Variants in LMO4 observed in about 807,000 individuals in gnomAD.
LMO4 encodes LIM domain transcription factor LMO4.
A neutral mutation model predicts 18.5 loss-of-function variants in LMO4; 3 were observed. That is an observed-to-expected ratio of 0.16 (90% confidence interval 0.07 to 0.42). The LOEUF (loss-of-function observed/expected upper bound fraction) is 0.42. Among genes scored for constraint, LMO4 ranks in the 10% least tolerant of loss-of-function variants. The pLI is 0.99. For synonymous variants in LMO4, 100 were observed against 88.1 expected, an observed-to-expected ratio of 1.14 and a Z score of -0.76; for missense variants, 121 against 219.9, an observed-to-expected ratio of 0.55 and a Z score of 2.84.
chr1:87,331,783 A>T (rs1650156787), intron 1 of LMO4: 1 of 551,976 alleles, frequency 1.8e-6, no homozygotes, highest in African/African-American at 1.9e-5. Flanking sequence ...AGTTGAGAGG[A>T]GCTCGTGGCC....
At chr1:87,333,931 C>G (rs1212839789) in intron 2 of LMO4, among the ~76,000 whole-genome samples, 2 of 150,676 alleles carry the variant, frequency 1.3e-5, no homozygotes, top group African/African-American at 4.9e-5. Flanking sequence ...CATCTCTTCT[C>G]CGAGTGCCTT....
Position 87,345,119 on chromosome 1 carries a change from T to G in LMO4, c.*323T>G, listed in dbSNP as rs1650591674. On this transcript the variant is annotated 3_prime_UTR_variant, in exon 5 of 5. Coordinates refer to ENST00000370544, the MANE Select transcript of LMO4 (RefSeq NM_006769.4). ...CTAATGAAGCTAATTAAAAGAAGCATTCAAATCTGCTTTCTACCCTCATTA... is the reference window on the plus strand; with the variant it reads ...CTAATGAAGCTAATTAAAAGAAGCAGTCAAATCTGCTTTCTACCCTCATTA... The G allele has an allele frequency of 6.2e-6, 2 of 321,202 alleles. No individual in the cohort carries two copies. Among genetic ancestry groups the G allele is most frequent in the Non-Finnish European group, 1.1e-5 (2 of 176,046 alleles). 19.9% of individuals were successfully genotyped at this position (321,202 alleles called of 1,614,324 possible). A position where few individuals can be genotyped will look rare whatever the true frequency, so the allele number is the denominator to read the frequency against.
rs890707557 is a variant in LMO4, at chr1:87,347,869, A to C, written c.*3073A>C. 1.1e-4 allele frequency: 16 copies of C among 152,194 alleles called. No homozygotes were observed. Among genetic ancestry groups the C allele is most frequent in the African/African-American group, 3.6e-4 (15 of 41,456 alleles). 9.4% of individuals were successfully genotyped at this position (152,194 alleles called of 1,614,324 possible). A position where few individuals can be genotyped will look rare whatever the true frequency, so the allele number is the denominator to read the frequency against. On this transcript the variant is annotated 3_prime_UTR_variant, in exon 5 of 5. Coordinates refer to ENST00000370544, the MANE Select transcript of LMO4 (RefSeq NM_006769.4). ...TCGTTTGCCACTAGAAACTATTTTC[A>C]GCTCTTCATGATTTATTAGGAAATA...
intron 2 of LMO4, among the ~76,000 whole-genome samples, chr1:87,335,526 C>G (rs559421751): frequency 6.6e-6 from 1 of 151,996 alleles, no homozygotes; most frequent in East Asian, 1.9e-4. Context: ...TCCACTCGGG[C>G]GGTTCACGTG....
At chr1:87,335,082 G>C (rs1443439595) in intron 2 of LMO4, among the ~76,000 whole-genome samples, 2 of 152,042 alleles carry the variant, frequency 1.3e-5, no homozygotes, top group African/African-American at 4.8e-5. Flanking sequence ...ATCTTAAAGG[G>C]ACCAACGCCT....
At position 87,332,218 on chromosome 1, in the gene LMO4, G is replaced by A; in HGVS notation, c.203G>A (p.Ser68Asn). ...ATCGGCACGTCCTGTTACACCAAAA[G>A]TGGCATGATCCTTTGCAGAAATGAC... ...GDIGTSCYTK[S>N]GMILCRNDYI... is the part of the protein sequence containing the mutation. Residue 68 changes from serine to asparagine, a missense_variant, in exon 2 of 5, where the codon AGT (serine) becomes AAT (asparagine). By Grantham distance (46) the Ser-to-Asn change is conservative. Transcript: ENST00000370544. The A allele has an allele frequency of 6.2e-7, 1 of 1,614,216 alleles. No homozygotes were observed. The highest frequency in any genetic ancestry group is 8.5e-7 in the Non-Finnish European group (1 of 1,180,004).
chr1:87,330,200 A>C (rs1203945272), intron 1 of LMO4, among the ~76,000 whole-genome samples: 6 of 115,668 alleles, frequency 5.2e-5, no homozygotes, highest in Admixed American at 8.2e-5. Context: ...TTTCCTTTTC[A>C]AAAAAAAAAT....
Position 87,333,761 on chromosome 1 carries a change from A to C in LMO4, c.236+1510A>C, listed in dbSNP as rs976610878. ...TAGAAGTAAATGTTGGAAAATCAGC[A>C]GGAACATGGGTGTAATGCTTTCTGG... is the stretch of plus-strand genomic sequence containing the variant. On this transcript the variant is annotated intron_variant, in intron 2 of 4. Coordinates refer to ENST00000370544, the MANE Select transcript of LMO4 (RefSeq NM_006769.4). Among the ~76,000 whole-genome samples the C allele has an allele frequency of 9.9e-5, 15 of 152,224 alleles. 1 individual carries two copies. Among genetic ancestry groups the C allele is most frequent in the Admixed American group, 2.0e-4 (3 of 15,288 alleles).
Position 87,332,087 on chromosome 1 carries a change from A to G in LMO4, c.72A>G (p.Ala24=), listed in dbSNP as rs1215158456. ...GCTCCCTCTCCTGGAAGCGGTGCGC[A>G]GGCTGCGGGGGCAAGATTGCGGACC... ...TAGSLSWKRC[A]GCGGKIADRF... The change falls in exon 2 of 5, where the codon GCA becomes GCG. Residue 24 remains alanine, a synonymous_variant. Coordinates refer to ENST00000370544, the MANE Select transcript of LMO4 (RefSeq NM_006769.4). 3 of 1,613,854 alleles carry G rather than the reference A, an allele frequency of 1.9e-6. No individual in the cohort carries two copies. Among genetic ancestry groups the G allele is most frequent in the East Asian group, 4.5e-5 (2 of 44,868 alleles).
intron 1 of LMO4, among the ~76,000 whole-genome samples, chr1:87,330,004 CTTTT>C (rs895271767): frequency 7.9e-6 from 1 of 127,222 alleles, no homozygotes; most frequent in Non-Finnish European, 1.7e-5. Context: ...TAAAAGCTTT[CTTTT>C]TTTTTTTTTT....
At chr1:87,331,899 C>G in intron 1 of LMO4, 114 bp from the exon 2 acceptor site, 1 of 857,188 alleles carries the variant, frequency 1.2e-6, no homozygotes, top group Non-Finnish European at 1.8e-6. Context: ...CTGTTTCCTT[C>G]CAGCAGCTCC....
intron 2 of LMO4, among the ~76,000 whole-genome samples, chr1:87,334,597 G>C (rs1012515268): frequency 7.9e-5 from 12 of 152,202 alleles, no homozygotes; most frequent in African/African-American, 2.7e-4. Context: ...AGACCACATA[G>C]CGATTTACTG....
At position 87,343,440 on chromosome 1, in the gene LMO4, A is replaced by AT. The variant is rs1420318566; in HGVS notation, c.490-1346dup. 3.3e-5 allele frequency among the ~76,000 whole-genome samples: 5 copies of AT among 152,224 alleles called. No homozygotes were observed. In the East Asian group the frequency reaches 9.6e-4, roughly 29 times the overall value. The stretch of plus-strand genomic sequence containing the variant: ...TTCTAGAGGGTTATGTAAATCAGGA[A>AT]TTGTGGCTAATTTTTTCTTTTGTAG... On this transcript the variant is annotated intron_variant, in intron 4 of 4. Transcript: ENST00000370544.
At position 87,336,979 on chromosome 1, in the gene LMO4, C is replaced by A. The variant is rs557586144; in HGVS notation, c.237-2557C>A. 5.6e-4 allele frequency among the ~76,000 whole-genome samples: 85 copies of A among 151,330 alleles called. 3 individuals carry two copies. In the South Asian group the frequency reaches 0.018, roughly 32 times the overall value. ...AGCGCACAGAAACGTTGTGAAAAAA[C>A]ACACACACACACGCACACACAACTT... On this transcript the variant is annotated intron_variant, in intron 2 of 4. Transcript: ENST00000370544.
At chr1:87,336,440 C>G (rs1394433465) in intron 2 of LMO4, among the ~76,000 whole-genome samples, 1 of 152,136 alleles carries the variant, frequency 6.6e-6, no homozygotes, top group Non-Finnish European at 1.5e-5. Context: ...ATAAGCCCAC[C>G]TATTGGTCAT....
rs777184237 is a variant in LMO4, at chr1:87,340,217, A to G, written c.489+15A>G. On this transcript the variant is annotated intron_variant, in intron 4 of 4. Transcript: ENST00000370544. ...CAGACCAGAAGGTGAATACCCAGCA[A>G]TTACTAATAAGCTTTATTAGAGCAA... is the stretch of plus-strand genomic sequence containing the variant. The G allele has an allele frequency of 6.2e-7, 1 of 1,613,368 alleles. No individual in the cohort carries two copies.
In LMO4 at chr1:87,332,034, A is replaced by T. The variant is rs148156721; in HGVS notation, c.19A>T (p.Ser7Cys). The T allele has an allele frequency of 6.2e-7, 1 of 1,612,560 alleles. No homozygotes were observed. Among genetic ancestry groups the T allele is most frequent in the Non-Finnish European group, 8.5e-7 (1 of 1,179,806 alleles). Residue 7 changes from serine (S) to cysteine (C), a missense_variant, in exon 2 of 5, where the codon AGC (serine) becomes TGC (cysteine). By Grantham distance (112) the Ser-to-Cys change is moderately radical. Transcript: ENST00000370544. MVNPGS[S>C]SQPPPVTAGS... The stretch of plus-strand genomic sequence containing the variant: ...GCAGACCATGGTGAATCCGGGCAGC[A>T]GCTCGCAGCCGCCCCCGGTGACGGC...
chr1:87,341,527 T>C (rs760546948), intron 4 of LMO4, among the ~76,000 whole-genome samples: 2 of 152,222 alleles, frequency 1.3e-5, no homozygotes, highest in African/African-American at 2.4e-5. Flanking sequence ...CTTTTTTGTC[T>C]TCTGTAATGC....
At position 87,346,333 on chromosome 1, in the gene LMO4, A is replaced by G. The variant is rs903211972; in HGVS notation, c.*1537A>G. On this transcript the variant is annotated 3_prime_UTR_variant, in exon 5 of 5. Transcript: ENST00000370544. ...AGCTGCCCTCCGGAAAGCATGCAGTATAACAGCTAGTGCTGGAAGGAGGAA... is the reference window on the plus strand; with the variant it reads ...AGCTGCCCTCCGGAAAGCATGCAGTGTAACAGCTAGTGCTGGAAGGAGGAA... The G allele has an allele frequency of 6.6e-6, 1 of 152,272 alleles. No individual in the cohort carries two copies. The highest frequency in any genetic ancestry group is 2.1e-4 in the South Asian group (1 of 4,834). 9.4% of individuals were successfully genotyped at this position (152,272 alleles called of 1,614,324 possible). A position where few individuals can be genotyped will look rare whatever the true frequency, so the allele number is the denominator to read the frequency against.
Sources: gnomAD v4.1 joint callset for allele counts (sites outside exome capture counted in the v4.1 genomes callset) on GRCh38, gnomAD v4.1.1 for gene constraint, MANE v1.5 for transcripts, NCBI Gene and HGNC (gene_info 2026-07-23, HGNC 2026-07-21) for gene names.